SOS1: variants seen among roughly 807,000 people sequenced by gnomAD.
SOS1 encodes son of sevenless homolog 1.
Under a neutral mutation model 157.6 loss-of-function variants are expected in SOS1, and 25 were observed. The observed-to-expected ratio is 0.16, with a 90% CI of 0.12 to 0.22. SOS1 has a LOEUF of 0.22. Among genes scored for constraint, SOS1 ranks in the 10% least tolerant of loss-of-function variants. The pLI, the probability that SOS1 is intolerant of heterozygous loss-of-function variation, is 1.00. For synonymous variants in SOS1, 528 were observed against 534.0 expected, an observed-to-expected ratio of 0.99 and a Z score of 0.16; for missense variants, 1,237 against 1,599.1, an observed-to-expected ratio of 0.77 and a Z score of 3.86.
At chr2:39,094,587 A>T (rs1672705292) in intron 1 of SOS1, among the ~76,000 whole-genome samples, 1 of 152,104 alleles carries the variant, frequency 6.6e-6, no homozygotes, top group African/African-American at 2.4e-5. Flanking sequence ...TGGGAGGCGC[A>T]GGCTGCAGTG....
chr2:39,030,265 AAG>A (rs1254642959), intron 8 of SOS1, among the ~76,000 whole-genome samples: 3 of 149,804 alleles, frequency 2.0e-5, no homozygotes, highest in South Asian at 2.1e-4. Flanking sequence ...AAAAAAGCGA[AAG>A]AGGGGGAAAG....
chr2:39,110,044 G>GCA (rs1673361913), intron 1 of SOS1, among the ~76,000 whole-genome samples: 3 of 134,936 alleles, frequency 2.2e-5, no homozygotes, highest in Non-Finnish European at 4.9e-5. Flanking sequence ...GTGTGCGTGT[G>GCA]TGTGTGTGTG....
chr2:39,047,691 C>A (rs116804952), intron 6 of SOS1, among the ~76,000 whole-genome samples: 2,920 of 152,142 alleles, frequency 0.019, 33 homozygotes, highest in Middle Eastern at 0.031. Context: ...TTTTCTTTTC[C>A]AGACAGTCTC....
At chr2:39,013,424 A>T in intron 13 of SOS1, 36 bp downstream of exon 13, 2 of 1,151,192 alleles carry the variant, frequency 1.7e-6, no homozygotes, top group Non-Finnish European at 2.6e-6. Flanking sequence ...TACTTTTATT[A>T]CATATAAAAC....
chr2:38,986,935 G>C (rs2124457275), intron 22 of SOS1, among the ~76,000 whole-genome samples: 1 of 152,020 alleles, frequency 6.6e-6, no homozygotes, highest in African/African-American at 2.4e-5. Context: ...GACAGCTTAA[G>C]AACTAATGAA....
intron 1 of SOS1, among the ~76,000 whole-genome samples, chr2:39,069,655 C>G (rs1236253693): frequency 6.6e-6 from 1 of 152,002 alleles, no homozygotes; most frequent in Non-Finnish European, 1.5e-5. Flanking sequence ...TCAAGCAATT[C>G]TCCTGCCTCC....
intron 10 of SOS1, among the ~76,000 whole-genome samples, chr2:39,017,103 G>T (rs1558471421): frequency 6.6e-6 from 1 of 152,014 alleles, no homozygotes. Flanking sequence ...TATGATTTAT[G>T]TGAGGTGAGC....
At chr2:39,085,881 G>C (rs1672350074) in intron 1 of SOS1, among the ~76,000 whole-genome samples, 1 of 152,086 alleles carries the variant, frequency 6.6e-6, no homozygotes. Flanking sequence ...AGTACAATAG[G>C]GGAACTAGAC....
At chr2:38,988,832 T>C (rs1668629681) in intron 21 of SOS1, among the ~76,000 whole-genome samples, 1 of 152,104 alleles carries the variant, frequency 6.6e-6, no homozygotes, top group African/African-American at 2.4e-5. Flanking sequence ...AAAGTTCTTC[T>C]AAAGTCAAAA....
At chr2:39,029,773 G>A (rs1670093736) in intron 8 of SOS1, among the ~76,000 whole-genome samples, 1 of 152,164 alleles carries the variant, frequency 6.6e-6, no homozygotes, top group Admixed American at 6.5e-5. Context: ...CAACATTTGT[G>A]GTCAGCTCCA....
In SOS1 at chr2:39,050,856, C is replaced by T. The variant is rs539107157; in HGVS notation, c.864+288G>A. 2.6e-5 allele frequency among the ~76,000 whole-genome samples: 4 copies of T among 152,284 alleles called. No individual in the cohort carries two copies. The South Asian group carries it at 8.3e-4, about 32-fold the overall frequency. On this transcript the variant is annotated intron_variant, in intron 6 of 22. Transcript: ENST00000402219. Reference sequence around the variant, plus strand: ...GTTCTGTGGTCTCTTACTTAATAGTCATTCATTGACATTTCTTAACGTTTT... The same window carrying T: ...GTTCTGTGGTCTCTTACTTAATAGTTATTCATTGACATTTCTTAACGTTTT...
chr2:39,004,020 G>A (rs943809896), intron 17 of SOS1, among the ~76,000 whole-genome samples: 1 of 152,050 alleles, frequency 6.6e-6, no homozygotes, highest in African/African-American at 2.4e-5. Context: ...TCCCTAGGGG[G>A]GCAAAAACTG....
intron 5 of SOS1, among the ~76,000 whole-genome samples, chr2:39,052,351 A>C (rs921566798): frequency 2.0e-5 from 3 of 152,118 alleles, no homozygotes; most frequent in Non-Finnish European, 2.9e-5. Flanking sequence ...TCCTATTTTA[A>C]ATGTTCTTTT....
intron 1 of SOS1, among the ~76,000 whole-genome samples, chr2:39,069,365 G>A (rs527492144): frequency 6.6e-6 from 1 of 151,916 alleles, no homozygotes; most frequent in East Asian, 1.9e-4. Context: ...GGCCAACAGA[G>A]GGAGACCCTG....
chr2:39,085,415 A>G (rs949125196), intron 1 of SOS1, among the ~76,000 whole-genome samples: 12 of 152,324 alleles, frequency 7.9e-5, no homozygotes, highest in South Asian at 2.1e-4. Flanking sequence ...GCAATTCACA[A>G]TACATGTGAT....
chr2:39,117,417 A>C (rs1336084650), intron 1 of SOS1, among the ~76,000 whole-genome samples: 1 of 152,230 alleles, frequency 6.6e-6, no homozygotes, highest in Non-Finnish European at 1.5e-5. Flanking sequence ...GATAGGACTT[A>C]GACTCATAGA....
At position 39,051,025 on chromosome 2, in the gene SOS1, CAG is replaced by C. The variant is rs1236360793; in HGVS notation, c.864+117_864+118del. On this transcript the variant is annotated intron_variant, in intron 6 of 22. Coordinates refer to ENST00000402219, the MANE Select transcript of SOS1 (RefSeq NM_005633.4). ...TGACCCTATGAAAAAGGAGCAATAA[CAG>C]ATAAATAGTCAACAATTAGTATCTA... 5 of 916,754 alleles carry C rather than the reference CAG, an allele frequency of 5.5e-6. No individual in the cohort carries two copies. The Middle Eastern group carries it at 6.7e-4, about 122-fold the overall frequency. The allele number at this position is 916,754 out of a possible 1,614,324, so 56.8% of individuals were successfully genotyped here.
chr2:39,041,615 A>C (rs1670574323), intron 6 of SOS1, among the ~76,000 whole-genome samples: 1 of 152,076 alleles, frequency 6.6e-6, no homozygotes, highest in Non-Finnish European at 1.5e-5. Flanking sequence ...GAAGATTCAG[A>C]CCTGTTTTCT....
At chr2:38,996,303 T>C (rs1668888761) in intron 19 of SOS1, among the ~76,000 whole-genome samples, 1 of 152,212 alleles carries the variant, frequency 6.6e-6, no homozygotes, top group South Asian at 2.1e-4. Flanking sequence ...TTGGCCAGGC[T>C]GGTCTCAAAC....
Sources: allele counts gnomAD v4.1 joint callset (sites outside exome capture counted in the v4.1 genomes callset), GRCh38; gene constraint gnomAD v4.1.1; transcripts MANE v1.5; gene names NCBI Gene and HGNC (gene_info 2026-07-23, HGNC 2026-07-21).